SMARCA4: variants seen among roughly 807,000 people sequenced by gnomAD.
SMARCA4 encodes the protein SWI/SNF related BAF chromatin remodeling complex subunit ATPase 4.
Under a neutral mutation model 193.9 loss-of-function variants are expected in SMARCA4, and 31 were observed. That is an observed-to-expected ratio of 0.16 (90% confidence interval 0.12 to 0.22). The LOEUF (loss-of-function observed/expected upper bound fraction) is 0.22, where lower values mean the gene tolerates loss of function less well. Ranked by LOEUF, SMARCA4 falls within the 10% of genes least tolerant of loss-of-function variation. The pLI is 1.00. For missense variants in SMARCA4, 1,148 were observed against 2,296.0 expected, an observed-to-expected ratio of 0.50 and a Z score of 10.22; for synonymous variants, 942 against 933.1, an observed-to-expected ratio of 1.01 and a Z score of -0.17.
Position 11,025,442 on chromosome 19 carries a change from C to G in SMARCA4, c.3102C>G (p.Thr1034=), listed in dbSNP as rs758181694. 7.4e-6 allele frequency: 12 copies of G among 1,613,306 alleles called. No homozygotes were observed. The East Asian group carries it at 2.7e-4, about 36-fold the overall frequency. Residue 1034 remains threonine, a synonymous_variant, in exon 22 of 35, where the codon ACC becomes ACG. Transcript: ENST00000344626. ...TCCAGGGCAAAGGCGGCACCAAGACCCTGATGAACACCATCATGCAGCTGC... is the reference window on the plus strand; with the variant it reads ...TCCAGGGCAAAGGCGGCACCAAGACGCTGATGAACACCATCATGCAGCTGC... ...KDKKGKGGTK[T]LMNTIMQLRK... is the part of the protein sequence containing the mutation.
chr19:11,023,990 CT>C (rs2090063482), intron 20 of SMARCA4, among the ~76,000 whole-genome samples: 1 of 152,218 alleles, frequency 6.6e-6, no homozygotes, highest in Non-Finnish European at 1.5e-5. Flanking sequence ...AGCCACACCC[CT>C]GGGCCCAGTT....
At chr19:11,020,398 G>A (rs2089758184) in intron 18 of SMARCA4, among the ~76,000 whole-genome samples, 1 of 151,890 alleles carries the variant, frequency 6.6e-6, no homozygotes, top group African/African-American at 2.4e-5. Context: ...GAACAGTAGA[G>A]AGTTTTTTGC....
chr19:11,030,979 C>T lies in SMARCA4; in HGVS notation c.3546+86C>T, dbSNP rs2074889427. 1 of 1,233,056 alleles carries T rather than the reference C, an allele frequency of 8.1e-7. No individual in the cohort carries two copies. The highest frequency in any genetic ancestry group is 1.9e-5 in the Admixed American group (1 of 51,298). 76.4% of individuals were successfully genotyped at this position (1,233,056 alleles called of 1,614,324 possible). ...GAGACGGCCCTGGCTTGAGGGTCCT[C>T]CAGCCTCCTCCACATTGTCTTGGAC... On this transcript the variant is annotated intron_variant, in intron 25 of 34. Transcript: ENST00000344626. This position sits in a 1 kb window ranked among gnomAD's most constrained non-coding sequence, Gnocchi z 5.5.
rs115929340 is a variant in SMARCA4, at chr19:11,017,197, C to T, written c.2439-1760C>T. Among the ~76,000 whole-genome samples the T allele has an allele frequency of 3.9e-3, 599 of 152,356 alleles. 3 individuals carry two copies. The highest frequency in any genetic ancestry group is 0.014 in the African/African-American group (565 of 41,588). On this transcript the variant is annotated intron_variant, in intron 16 of 34. Transcript: ENST00000344626. Reference sequence around the variant, plus strand: ...TTCTCACACTTCCACCCTGTGTGTGCGCCCATTCTCAGCTTCCGTGGACAA... The same window carrying T: ...TTCTCACACTTCCACCCTGTGTGTGTGCCCATTCTCAGCTTCCGTGGACAA...
intron 30 of SMARCA4, among the ~76,000 whole-genome samples, chr19:11,049,251 G>A (rs958164447): frequency 6.6e-6 from 1 of 152,086 alleles, no homozygotes; most frequent in Admixed American, 6.5e-5. Context: ...CCTCACAGGG[G>A]CCCTGGGCCA....
At chr19:11,055,564 C>T (rs1465595961) in intron 30 of SMARCA4, among the ~76,000 whole-genome samples, 1 of 151,798 alleles carries the variant, frequency 6.6e-6, no homozygotes. Flanking sequence ...TGGTGGGGTG[C>T]TTATTATAAA....
At chr19:11,027,522 T>C (rs2090348880) in intron 23 of SMARCA4, among the ~76,000 whole-genome samples, 2 of 152,208 alleles carry the variant, frequency 1.3e-5, no homozygotes, top group African/African-American at 2.4e-5. Context: ...TCCTCTCATT[T>C]TCATGAGTGT....
At chr19:10,963,727 C>T (rs534357682) in intron 1 of SMARCA4, among the ~76,000 whole-genome samples, 3 of 152,060 alleles carry the variant, frequency 2.0e-5, no homozygotes, top group Admixed American at 1.3e-4. Flanking sequence ...CATGGGAAGC[C>T]GCTAACACAC....
chr19:10,971,476 A>G (rs1430718563), intron 1 of SMARCA4, among the ~76,000 whole-genome samples: 2 of 148,394 alleles, frequency 1.3e-5, no homozygotes, highest in Non-Finnish European at 3.0e-5. Flanking sequence ...TCCACCCTCT[A>G]TGTGACATTG....
chr19:11,017,391 G>T (rs972436111), intron 16 of SMARCA4, among the ~76,000 whole-genome samples: 2 of 152,230 alleles, frequency 1.3e-5, no homozygotes, highest in African/African-American at 2.4e-5. Context: ...TGTGAGGTGG[G>T]TGCTCCTGCA....
At position 10,996,637 on chromosome 19, in the gene SMARCA4, G is replaced by T. The variant is rs554238988; in HGVS notation, c.1812+93G>T. ...AAAACCTGTGTTCTTTTAAAATTACGAACAATGATATGTGATGATGGTGAG... is the reference window on the plus strand; with the variant it reads ...AAAACCTGTGTTCTTTTAAAATTACTAACAATGATATGTGATGATGGTGAG... On this transcript the variant is annotated intron_variant, in intron 11 of 34. Coordinates refer to ENST00000344626, the MANE Select transcript of SMARCA4 (RefSeq NM_003072.5). The T allele has an allele frequency of 4.5e-5, 55 of 1,216,634 alleles. No individual in the cohort carries two copies. In the South Asian group the frequency reaches 6.7e-4, roughly 15 times the overall value. The allele number at this position is 1,216,634 out of a possible 1,614,324, so 75.4% of individuals were successfully genotyped here.
At chr19:10,970,921 A>G (rs1465885040) in intron 1 of SMARCA4, among the ~76,000 whole-genome samples, 1 of 152,176 alleles carries the variant, frequency 6.6e-6, no homozygotes, top group Admixed American at 6.6e-5. Flanking sequence ...AGTGTGGGCC[A>G]GGCACGGTGG....
rs2146661544 is a variant in SMARCA4, at chr19:11,033,714, G to A, written c.3775-53G>A. 1.3e-6 allele frequency: 1 copy of A among 780,632 alleles called. No individual in the cohort carries two copies. 48.4% of individuals were successfully genotyped at this position (780,632 alleles called of 1,614,324 possible). A position where few individuals can be genotyped will look rare whatever the true frequency, so the allele number is the denominator to read the frequency against. Reference sequence around the variant, plus strand: ...TGGTTTTTTTTTCTAAACTGCTGGTGAAAGACGCCGGATTGACAGCCCTGG... The same window carrying A: ...TGGTTTTTTTTTCTAAACTGCTGGTAAAAGACGCCGGATTGACAGCCCTGG... On this transcript the variant is annotated intron_variant, in intron 26 of 34. Coordinates refer to ENST00000344626, the MANE Select transcript of SMARCA4 (RefSeq NM_003072.5). The surrounding 1 kb of genome is among the most constrained non-coding windows in gnomAD (Gnocchi z 9.8).
In SMARCA4 at chr19:10,986,783, C is replaced by G; in HGVS notation, c.761-122C>G. The G allele has an allele frequency of 6.5e-6, 8 of 1,222,616 alleles. No individual in the cohort carries two copies. Among genetic ancestry groups the G allele is most frequent in the Non-Finnish European group, 9.4e-6 (8 of 847,600 alleles). 75.7% of individuals were successfully genotyped at this position (1,222,616 alleles called of 1,614,324 possible). On this transcript the variant is annotated intron_variant, in intron 4 of 34. Transcript: ENST00000344626. The surrounding 1 kb of genome is among the most constrained non-coding windows in gnomAD (Gnocchi z 6.7). ...CTGCTTCCCCAGCTCCCCGCTTCCC[C>G]TGGGGCCGCTGGTTAATAGGTGTAT...
At position 10,986,821 on chromosome 19, in the gene SMARCA4, C is replaced by A; in HGVS notation, c.761-84C>A. ...TTAATAGGTGTATCTGCTGTGTCCC[C>A]TGGAGCCAGGGCTGCCCACGGGGCT... On this transcript the variant is annotated intron_variant, in intron 4 of 34. Coordinates refer to ENST00000344626, the MANE Select transcript of SMARCA4 (RefSeq NM_003072.5). The surrounding 1 kb of genome is among the most constrained non-coding windows in gnomAD (Gnocchi z 6.7). 1.5e-6 allele frequency: 2 copies of A among 1,335,746 alleles called. No homozygotes were observed. Among genetic ancestry groups the A allele is most frequent in the African/African-American group, 1.4e-5 (1 of 69,710 alleles). The allele number at this position is 1,335,746 out of a possible 1,614,324, so 82.7% of individuals were successfully genotyped here.
At position 11,041,728 on chromosome 19, in the gene SMARCA4, T is replaced by C. The variant is rs755021102; in HGVS notation, c.4424+168T>C. ...TTGAGCCTGGCCCTGAGGAACATGC[T>C]TTCTGGAACAGGGAAGCACACATGT... On this transcript the variant is annotated intron_variant, in intron 30 of 34. Coordinates refer to ENST00000344626, the MANE Select transcript of SMARCA4 (RefSeq NM_003072.5). This position sits in a 1 kb window ranked among gnomAD's most constrained non-coding sequence, Gnocchi z 5.6. Among the ~76,000 whole-genome samples the C allele has an allele frequency of 3.3e-5, 5 of 152,174 alleles. No individual in the cohort carries two copies. The highest frequency in any genetic ancestry group is 4.8e-5 in the African/African-American group (2 of 41,426).
chr19:10,996,418 A>G lies in SMARCA4; in HGVS notation c.1761+38A>G, dbSNP rs779556701. The G allele has an allele frequency of 2.5e-6, 4 of 1,613,880 alleles. No homozygotes were observed. The South Asian group carries it at 4.4e-5, about 18-fold the overall frequency. The stretch of plus-strand genomic sequence containing the variant: ...TGGCATGGTGCCCGCCGCGGGTGGG[A>G]TGGGAGCAGCCGTCTTCACGTGTGT... On this transcript the variant is annotated intron_variant, in intron 10 of 34. Transcript: ENST00000344626.
Position 10,991,333 on chromosome 19 carries a change from G to A in SMARCA4, c.1419+10G>A, listed in dbSNP as rs759831368. 3.2e-6 allele frequency: 5 copies of A among 1,581,244 alleles called. No homozygotes were observed. The highest frequency in any genetic ancestry group is 3.4e-6 in the Non-Finnish European group (4 of 1,164,370). On this transcript the variant is annotated intron_variant, in intron 8 of 34. Coordinates refer to ENST00000344626, the MANE Select transcript of SMARCA4 (RefSeq NM_003072.5). ...CCGGCAGAAGCACCAGGTACGCTCC[G>A]GTGGCCCCAAGGCCCTGCAGCCCGC...
intron 1 of SMARCA4, among the ~76,000 whole-genome samples, chr19:10,964,374 G>A (rs550080840): frequency 2.0e-5 from 3 of 151,808 alleles, no homozygotes; most frequent in Non-Finnish European, 2.9e-5. Context: ...GCAATGGCAC[G>A]ATCTCGTCTC....
Sources: allele counts gnomAD v4.1 joint callset (sites outside exome capture counted in the v4.1 genomes callset), GRCh38; gene constraint gnomAD v4.1.1; non-coding constraint Gnocchi (gnomAD v3.1); transcripts MANE v1.5; gene names NCBI Gene and HGNC (gene_info 2026-07-23, HGNC 2026-07-21).